The following ZBBX variants were observed in gnomAD, a reference collection of about 807,000 sequenced individuals.
The protein encoded by ZBBX is zinc finger B-box domain containing.
ZBBX carries 101 observed loss-of-function variants against 108.5 expected under a neutral mutation model. The observed-to-expected ratio is 0.93, with a 90% CI of 0.79 to 1.10. The LOEUF is 1.10. Among genes scored for constraint, ZBBX ranks in the 50% least tolerant of loss-of-function variants. ZBBX has a pLI of 0.00. For synonymous variants in ZBBX, 356 were observed against 323.4 expected (o/e 1.10, Z -1.08); for missense variants, 1,009 against 941.4 (o/e 1.07, Z -0.94).
At chr3:167,251,536 C>T (rs772623250) in intron 20 of ZBBX, among the ~76,000 whole-genome samples, 11 of 152,144 alleles carry the variant, frequency 7.2e-5, no homozygotes, top group Non-Finnish European at 1.3e-4. Context: ...ATCGCACGCC[C>T]TGTGAGGGGG....
At chr3:167,319,494 G>T (rs1412182993) in intron 12 of ZBBX, among the ~76,000 whole-genome samples, 1 of 151,946 alleles carries the variant, frequency 6.6e-6, no homozygotes, top group Non-Finnish European at 1.5e-5. Flanking sequence ...TACACCACAA[G>T]TTTATTCAAA....
Position 167,240,863 on chromosome 3 carries a change from G to C in ZBBX, c.2450C>G (p.Thr817Arg). Residue 817 changes from threonine to arginine, a missense_variant, in exon 22 of 22, where the codon ACA becomes AGA. Transcript: ENST00000675490. ...GAGAAAATCTTCCTCCTCCTCATCT[G>C]TACTGCTCTCAGAAAGTGACAGCAA... ...QSLLSLSESS[T>R]DEEEEDFLNK... The C allele has an allele frequency of 6.2e-7, 1 of 1,613,536 alleles. No homozygotes were observed. The highest frequency in any genetic ancestry group is 8.5e-7 in the Non-Finnish European group (1 of 1,179,606).
the ZBBX span, among the ~76,000 whole-genome samples, chr3:167,200,666 A>G: frequency 6.6e-6 from 1 of 152,232 alleles, no homozygotes; most frequent in Non-Finnish European, 1.5e-5. Context: ...ATATGAGAAT[A>G]TGTGTGAATA....
intron 1 of ZBBX, among the ~76,000 whole-genome samples, chr3:167,400,136 T>C (rs1250359216): frequency 6.6e-6 from 1 of 152,182 alleles, no homozygotes; most frequent in Non-Finnish European, 1.5e-5. Flanking sequence ...TCCGTGTCTT[T>C]TTTATTGTGA....
rs1488601360 is a variant in ZBBX at position 167,327,933 on chromosome 3, A to T, written c.862+9T>A. 1 of 1,564,898 alleles carries T rather than the reference A, an allele frequency of 6.4e-7. No individual in the cohort carries two copies. Among genetic ancestry groups the T allele is most frequent in the African/African-American group, 1.4e-5 (1 of 71,958 alleles). On this transcript the variant is annotated intron_variant, in intron 11 of 21. Transcript: ENST00000675490. ...TGTCTCAAAAAAAAAAAAAAAAAAA[A>T]AGCCATACCTTTTACTGCTGCATGT...
At chr3:167,299,371 G>A (rs901871794) in intron 17 of ZBBX, among the ~76,000 whole-genome samples, 4 of 151,868 alleles carry the variant, frequency 2.6e-5, no homozygotes, top group African/African-American at 4.8e-5. Context: ...AAGACAAATC[G>A]AAATCAAAAT....
Position 167,268,582 on chromosome 3 carries a change from T to C in ZBBX, c.2254+13656A>G, listed in dbSNP as rs764843475. 3.4e-4 allele frequency among the ~76,000 whole-genome samples: 52 copies of C among 152,066 alleles called. 1 individual carries two copies. The highest frequency in any genetic ancestry group is 5.3e-4 in the Non-Finnish European group (36 of 68,016). On this transcript the variant is annotated intron_variant, in intron 20 of 21. Coordinates refer to ENST00000675490, the MANE Select transcript of ZBBX (RefSeq NM_001199201.2). ...TACAACAGGAAAAAGATGAGGGGCC[T>C]ATGAAATTTCTAAACAGATTGAAGG...
chr3:167,349,009 C>A (rs1283334169), intron 9 of ZBBX, among the ~76,000 whole-genome samples: 1 of 151,650 alleles, frequency 6.6e-6, no homozygotes, highest in African/African-American at 2.4e-5. Flanking sequence ...CAAAGTCTAT[C>A]TTTTGAAATT....
intron 1 of ZBBX, among the ~76,000 whole-genome samples, chr3:167,398,169 T>A (rs1748310126): frequency 6.6e-6 from 1 of 152,088 alleles, no homozygotes; most frequent in Non-Finnish European, 1.5e-5. Flanking sequence ...AATGGAAAAC[T>A]GATTTGTGGG....
In ZBBX at chr3:167,239,870, G is replaced by T. The variant is rs111266377; in HGVS notation, c.*923C>A. 0.021 allele frequency among the ~76,000 whole-genome samples: 3,267 copies of T among 152,178 alleles called. 45 individuals carry two copies. Among genetic ancestry groups the T allele is most frequent in the Middle Eastern group, 0.051 (15 of 294 alleles). ...ATTTATAAAGGACAGAGGTTTAATT[G>T]ACTCACAGTTCAGCATGGTGGGGGA... On this transcript the variant is annotated 3_prime_UTR_variant, in exon 22 of 22. Transcript: ENST00000675490.
the ZBBX span, among the ~76,000 whole-genome samples, chr3:167,184,897 TCAA>T: frequency 6.6e-6 from 1 of 152,226 alleles, no homozygotes; most frequent in Non-Finnish European, 1.5e-5. Context: ...GTCAGTATCA[TCAA>T]CATTATTGTC....
At chr3:167,387,636 T>C (rs1433501613) in intron 1 of ZBBX, among the ~76,000 whole-genome samples, 1 of 151,788 alleles carries the variant, frequency 6.6e-6, no homozygotes, top group Non-Finnish European at 1.5e-5. Flanking sequence ...TCAAGAGACG[T>C]GGAGAAAGAG....
At chr3:167,178,653 C>T in the ZBBX span, among the ~76,000 whole-genome samples, 605 of 152,238 alleles carry the variant, frequency 4.0e-3, 2 homozygotes, top group African/African-American at 0.014. Flanking sequence ...TGATAAGGTC[C>T]TGGAGAAACA....
upstream of ZBBX, among the ~76,000 whole-genome samples, chr3:167,385,005 T>C (rs1310544784): frequency 6.6e-6 from 1 of 152,068 alleles, no homozygotes; most frequent in African/African-American, 2.4e-5. Flanking sequence ...ATGGAGTCTT[T>C]AGAAAGTCAG....
At chr3:167,267,926 C>T (rs1456008333) in intron 20 of ZBBX, among the ~76,000 whole-genome samples, 5 of 152,008 alleles carry the variant, frequency 3.3e-5, no homozygotes, top group Non-Finnish European at 5.9e-5. Flanking sequence ...GGATCCTGCC[C>T]CAGATCCTTC....
intron 1 of ZBBX, among the ~76,000 whole-genome samples, chr3:167,399,111 G>A (rs1213609833): frequency 6.6e-6 from 1 of 151,134 alleles, no homozygotes; most frequent in Non-Finnish European, 1.5e-5. Flanking sequence ...AAACTTCTCA[G>A]CCTCTATTTA....
intron 11 of ZBBX, 44 bp downstream of exon 11, chr3:167,327,898 A>T: frequency 6.7e-7 from 1 of 1,499,194 alleles, no homozygotes; most frequent in Non-Finnish European, 8.8e-7. Context: ...TGGGCAACAA[A>T]GTGAGACTCT....
intron 9 of ZBBX, among the ~76,000 whole-genome samples, chr3:167,348,904 C>G (rs945507035): frequency 3.3e-5 from 5 of 151,962 alleles, no homozygotes; most frequent in Non-Finnish European, 5.9e-5. Context: ...AAATAATGCT[C>G]AACGTTTAGA....
At chr3:167,360,766 C>A in intron 6 of ZBBX, 43 bp from the exon 7 acceptor site, 1 of 1,252,592 alleles carries the variant, frequency 8.0e-7, no homozygotes, top group South Asian at 2.1e-5. Flanking sequence ...TATATATTAT[C>A]TTATTCAACG....
Sources: allele counts gnomAD v4.1 joint callset (sites outside exome capture counted in the v4.1 genomes callset), GRCh38; gene constraint gnomAD v4.1.1; transcripts MANE v1.5; gene names NCBI Gene and HGNC (gene_info 2026-07-23, HGNC 2026-07-21).